TACC3: variants seen among roughly 807,000 people sequenced by gnomAD.
TACC3 encodes the protein transforming acidic coiled-coil containing protein 3.
Under a neutral mutation model 86.0 loss-of-function variants are expected in TACC3, and 52 were observed. The observed-to-expected ratio is 0.60, with a 90% CI of 0.48 to 0.76. The LOEUF (loss-of-function observed/expected upper bound fraction) is 0.76. TACC3 is among the 30% of genes least tolerant of loss of function. The pLI is 0.00. For synonymous variants in TACC3, 512 were observed against 430.0 expected (o/e 1.19, Z -2.36); for missense variants, 1,120 against 1,070.4 (o/e 1.05, Z -0.65).
intron 3 of TACC3, among the ~76,000 whole-genome samples, chr4:1,727,312 A>G (rs928369264): frequency 6.6e-6 from 1 of 152,180 alleles, no homozygotes; most frequent in Non-Finnish European, 1.5e-5. Context: ...GCCTGGGGGC[A>G]GACCTCGTGC....
At chr4:1,729,305 C>T (rs1330365691) in intron 4 of TACC3, among the ~76,000 whole-genome samples, 4 of 152,152 alleles carry the variant, frequency 2.6e-5, no homozygotes, top group Non-Finnish European at 4.4e-5. Context: ...TTTTTCTCCT[C>T]GTGTGCATAG....
chr4:1,740,305 C>T, intron 12 of TACC3: 1 of 528,738 alleles, frequency 1.9e-6, no homozygotes, highest in East Asian at 3.2e-5. Context: ...CTACCCCACT[C>T]CACCCTGCCC....
Position 1,737,234 on chromosome 4 carries a change from G to T in TACC3, c.1749-7G>T. 6.2e-7 allele frequency: 1 copy of T among 1,613,744 alleles called. No homozygotes were observed. ...TAGTGACTGAGGCTGCCTCTGCTTG[G>T]TGGCAGCATGCACGGTGCAAATGAG... On this transcript the variant is annotated splice_region_variant and splice_polypyrimidine_tract_variant and intron_variant, in intron 8 of 15. Transcript: ENST00000313288.
intron 4 of TACC3, chr4:1,730,651 G>A (rs1001564497): frequency 7.6e-6 from 5 of 660,754 alleles, no homozygotes; most frequent in Non-Finnish European, 8.4e-6. Context: ...AGAGCTCCCA[G>A]CCTGCTTCTC....
chr4:1,740,477 T>A, intron 12 of TACC3: 1 of 310,358 alleles, frequency 3.2e-6, no homozygotes, highest in Non-Finnish European at 6.0e-6. Flanking sequence ...GCCTGGCCCT[T>A]GCAGTCCCTC....
chr4:1,740,889 A>G lies in TACC3; in HGVS notation c.2126A>G (p.Asp709Gly), dbSNP rs34327000. 950 of 1,613,190 alleles carry G rather than the reference A, an allele frequency of 5.9e-4. 4 individuals are homozygous for G. The African/African-American group carries it at 0.01, about 17-fold the overall frequency. ...AEIQKVLKEK[D>G]QLTTDLNSME... ...ATCCAGAAAGTTCTAAAAGAAAAAG[A>G]CCAACTTACCACAGATCTGAACTCC... Residue 709 changes from aspartate (D) to glycine (G), a missense_variant, in exon 13 of 16, where the codon GAC becomes GGC. Transcript: ENST00000313288.
At chr4:1,739,564 C>T (rs1718462948) in intron 10 of TACC3, 138 bp from the exon 11 acceptor site, 1 of 787,346 alleles carries the variant, frequency 1.3e-6, no homozygotes, top group Non-Finnish European at 2.0e-6. Context: ...CAGGGTCCCA[C>T]TGGAAGCCCC....
chr4:1,726,322 C>G (rs894910718), intron 3 of TACC3, among the ~76,000 whole-genome samples: 22 of 152,222 alleles, frequency 1.4e-4, no homozygotes, highest in African/African-American at 4.8e-4. Context: ...GCACCTCAGC[C>G]CTGCCCTTCA....
chr4:1,736,374 G>A (rs1307629793), intron 8 of TACC3, among the ~76,000 whole-genome samples: 3 of 126,882 alleles, frequency 2.4e-5, no homozygotes, highest in African/African-American at 9.0e-5. Context: ...AGTGAGCTGA[G>A]ATTGCGCCAC....
At chr4:1,727,638 G>C in intron 3 of TACC3, 70 bp from the exon 4 acceptor site, 1 of 1,521,054 alleles carries the variant, frequency 6.6e-7, no homozygotes, top group South Asian at 1.3e-5. Context: ...CCTATGTTGA[G>C]AATGAATGCT....
intron 8 of TACC3, 87 bp from the exon 9 acceptor site, chr4:1,737,154 G>A (rs1241624142): frequency 8.9e-7 from 1 of 1,123,666 alleles, no homozygotes; most frequent in Non-Finnish European, 1.3e-6. Context: ...AAAGCAAAGA[G>A]CCCGGTTAGC....
chr4:1,739,025 C>A (rs1718427031), intron 10 of TACC3, among the ~76,000 whole-genome samples: 1 of 152,140 alleles, frequency 6.6e-6, no homozygotes, highest in Admixed American at 6.5e-5. Context: ...AAGAAGAGAT[C>A]TGGCCGGGTG....
At chr4:1,744,912 C>A (rs1036795054) in intron 15 of TACC3, 36 bp from the exon 16 acceptor site, 2 of 1,611,162 alleles carry the variant, frequency 1.2e-6, no homozygotes, top group Admixed American at 1.7e-5. Flanking sequence ...TCCCTCCAAG[C>A]AGGGAGAAGC....
chr4:1,735,295 G>A lies in TACC3; in HGVS notation c.1614G>A (p.Val538=). The A allele has an allele frequency of 1.9e-6, 3 of 1,614,048 alleles. No homozygotes were observed. Among genetic ancestry groups the A allele is most frequent in the Non-Finnish European group, 2.5e-6 (3 of 1,180,026 alleles). ...PAEVLGTGAE[V]DYLEQFGTSS... Reference sequence around the variant, plus strand: ...CAGTTCTAGGCACGGGCGCGGAGGTGGATTACCTGGAGCAGTTTGGAACTT... The same window carrying A: ...CAGTTCTAGGCACGGGCGCGGAGGTAGATTACCTGGAGCAGTTTGGAACTT... The change falls in exon 7 of 16, where the codon GTG becomes GTA. Residue 538 remains valine (V), a synonymous_variant. Coordinates refer to ENST00000313288, the MANE Select transcript of TACC3 (RefSeq NM_006342.3). The surrounding 1 kb of genome is among the most constrained non-coding windows in gnomAD (Gnocchi z 4.2).
In TACC3 at chr4:1,737,340, A is replaced by G; in HGVS notation, c.1836+12A>G. ...CACTGGACATTCCTGTAAGTCCTTG[A>G]GTCCCTCTTGAACTGTCTTGTGTGT... On this transcript the variant is annotated intron_variant, in intron 9 of 15. Coordinates refer to ENST00000313288, the MANE Select transcript of TACC3 (RefSeq NM_006342.3). 6.2e-7 allele frequency: 1 copy of G among 1,612,238 alleles called. No homozygotes were observed. Among genetic ancestry groups the G allele is most frequent in the Non-Finnish European group, 8.5e-7 (1 of 1,178,370 alleles).
intron 3 of TACC3, among the ~76,000 whole-genome samples, chr4:1,724,421 G>T (rs1386765500): frequency 8.7e-6 from 1 of 114,436 alleles, no homozygotes; most frequent in Non-Finnish European, 1.7e-5. Context: ...GACAGAGTCT[G>T]GCTCTGTCAC....
intron 8 of TACC3, 122 bp from the exon 9 acceptor site, chr4:1,737,119 C>T (rs1718310811): frequency 1.3e-6 from 1 of 763,970 alleles, no homozygotes; most frequent in Admixed American, 2.3e-5. Flanking sequence ...CTACCACTAC[C>T]CTGACTTGAG....
intron 6 of TACC3, among the ~76,000 whole-genome samples, chr4:1,732,261 G>A (rs1294000049): frequency 6.6e-6 from 1 of 151,202 alleles, no homozygotes; most frequent in East Asian, 2.0e-4. Flanking sequence ...AATAAATACG[G>A]TTTGTCCGTA....
chr4:1,742,809 A>T (rs1349794271), intron 13 of TACC3, among the ~76,000 whole-genome samples: 2 of 133,598 alleles, frequency 1.5e-5, no homozygotes, highest in African/African-American at 2.5e-5. Context: ...AAAAAAAAAA[A>T]ATACAAAAAT....
Sources: gnomAD v4.1 joint callset for allele counts (sites outside exome capture counted in the v4.1 genomes callset) on GRCh38, gnomAD v4.1.1 for gene constraint, Gnocchi (gnomAD v3.1) non-coding constraint, MANE v1.5 for transcripts, NCBI Gene and HGNC (gene_info 2026-07-23, HGNC 2026-07-21) for gene names.